The following GPHN variants were observed in gnomAD, a reference collection of about 807,000 sequenced individuals.
GPHN encodes the protein gephyrin.
GPHN carries 17 observed loss-of-function variants against 95.5 expected under a neutral mutation model. The ratio of observed to expected loss-of-function variants is 0.18; its 90% CI spans 0.12 to 0.27. The LOEUF is 0.27. Ranked by LOEUF, GPHN falls within the 10% of genes least tolerant of loss-of-function variation. The pLI, the probability that GPHN is intolerant of heterozygous loss-of-function variation, is 1.00. For synonymous variants in GPHN, 320 were observed against 322.5 expected, an observed-to-expected ratio of 0.99 and a Z score of 0.08; for missense variants, 660 against 978.1, an observed-to-expected ratio of 0.67 and a Z score of 4.34.
the GPHN span, chr14:67,557,195 C>T: frequency 7.7e-7 from 1 of 1,291,036 alleles, no homozygotes; most frequent in Non-Finnish European, 1.1e-6. Flanking sequence ...GACGGTGTCC[C>T]ATCCCACGTT....
intron 5 of GPHN, among the ~76,000 whole-genome samples, chr14:66,897,765 T>C (rs2064931304): frequency 6.6e-6 from 1 of 152,144 alleles, no homozygotes; most frequent in Non-Finnish European, 1.5e-5. Flanking sequence ...TTACAGTTTG[T>C]AATTATGATG....
intron 1 of GPHN, among the ~76,000 whole-genome samples, chr14:66,533,437 A>G (rs560254655): frequency 2.6e-5 from 4 of 152,338 alleles, no homozygotes; most frequent in Admixed American, 6.5e-5. Context: ...ACGTGCATAC[A>G]TGAAAGCAAG....
intron 4 of GPHN, among the ~76,000 whole-genome samples, chr14:66,875,442 C>T (rs1248826463): frequency 6.6e-6 from 1 of 152,088 alleles, no homozygotes; most frequent in Admixed American, 6.6e-5. Context: ...TAAATGCCCC[C>T]AATTAAAAGA....
the GPHN span, chr14:67,382,740 G>T: frequency 8.7e-6 from 7 of 807,718 alleles, no homozygotes; most frequent in East Asian, 2.6e-5. Context: ...GTCACCCCCC[G>T]TCCCCAGCCA....
chr14:67,435,235 G>A, the GPHN span, among the ~76,000 whole-genome samples: 912 of 152,202 alleles, frequency 6.0e-3, 9 homozygotes, highest in African/African-American at 0.021. Context: ...CCAAAATGCT[G>A]GGATTACAAG....
the GPHN span, among the ~76,000 whole-genome samples, chr14:67,216,380 T>G: frequency 5.3e-5 from 8 of 151,798 alleles, no homozygotes; most frequent in African/African-American, 4.8e-5. Flanking sequence ...TATTTTGGGG[T>G]TTTTTTTCAG....
At chr14:67,496,778 C>CCTCCCTCT in the GPHN span, among the ~76,000 whole-genome samples, 1 of 96,926 alleles carries the variant, frequency 1.0e-5, no homozygotes, top group Non-Finnish European at 2.3e-5. Context: ...TTCCTCCCTC[C>CCTCCCTCT]CTCATTTCTG....
At chr14:67,401,338 A>G in the GPHN span, among the ~76,000 whole-genome samples, 2 of 151,914 alleles carry the variant, frequency 1.3e-5, no homozygotes, top group Middle Eastern at 3.2e-3. Context: ...AAAAATAAAT[A>G]AATAAATAAA....
rs549127437 is a variant in GPHN, at chr14:66,862,034, A to T, written c.295-17905A>T. 1.6e-3 allele frequency among the ~76,000 whole-genome samples: 244 copies of T among 152,190 alleles called. 5 individuals are homozygous for T. The highest frequency in any genetic ancestry group is 3.5e-3 in the South Asian group (17 of 4,828). On this transcript the variant is annotated intron_variant, in intron 4 of 22. Coordinates refer to ENST00000478722, the MANE Select transcript of GPHN (RefSeq NM_020806.5). ...TTTGAAATGAAGGAAATACAAAAAG[A>T]TCAACAAACTGGAAAGCTTGTTTTT...
the GPHN span, chr14:67,575,571 C>A: frequency 2.5e-6 from 2 of 816,266 alleles, no homozygotes; most frequent in Non-Finnish European, 4.2e-6. Context: ...CCACGTAACC[C>A]CACAATAAAT....
chr14:67,508,060 C>G, the GPHN span, among the ~76,000 whole-genome samples: 17 of 150,524 alleles, frequency 1.1e-4, no homozygotes, highest in Admixed American at 1.1e-3. Flanking sequence ...ATTGCTTGAA[C>G]CCGGGAGGTG....
At chr14:66,746,936 G>A (rs1264947103) in intron 2 of GPHN, among the ~76,000 whole-genome samples, 3 of 152,108 alleles carry the variant, frequency 2.0e-5, no homozygotes, top group African/African-American at 7.2e-5. Context: ...ACTGTTCAGG[G>A]TTTGGGGCAT....
At chr14:66,732,900 T>C (rs1054049416) in intron 2 of GPHN, among the ~76,000 whole-genome samples, 6 of 152,198 alleles carry the variant, frequency 3.9e-5, no homozygotes, top group Non-Finnish European at 7.3e-5. Flanking sequence ...GAATTAATGC[T>C]GAAATGAGTT....
chr14:67,723,855 A>G, the GPHN span, among the ~76,000 whole-genome samples: 1 of 152,244 alleles, frequency 6.6e-6, no homozygotes, highest in African/African-American at 2.4e-5. Flanking sequence ...CTCTGCACAG[A>G]GGTCTGAACA....
the GPHN span, chr14:67,592,812 GTCTC>G: frequency 1.2e-6 from 1 of 808,580 alleles, no homozygotes; most frequent in South Asian, 1.6e-5. Context: ...TTGAGACAGA[GTCTC>G]TCTCTGTTGC....
At chr14:67,417,041 A>G in the GPHN span, among the ~76,000 whole-genome samples, 1 of 152,208 alleles carries the variant, frequency 6.6e-6, no homozygotes, top group Non-Finnish European at 1.5e-5. Flanking sequence ...ATGTTGTGGT[A>G]ATGCCCAGCT....
At chr14:66,717,319 A>G (rs753103578) in intron 2 of GPHN, among the ~76,000 whole-genome samples, 16 of 152,006 alleles carry the variant, frequency 1.1e-4, no homozygotes, top group Non-Finnish European at 1.5e-4. Context: ...TTGCATTTCT[A>G]TAAGTGTGTC....
the GPHN span, chr14:67,473,638 G>T: frequency 4.4e-6 from 7 of 1,582,196 alleles, no homozygotes; most frequent in East Asian, 2.3e-5. The surrounding 1 kb of genome is among the most constrained non-coding windows in gnomAD (Gnocchi z 6.5). Context: ...TTGAACTGGC[G>T]CAGGATGAAG....
intron 1 of GPHN, among the ~76,000 whole-genome samples, chr14:66,545,184 C>A (rs1342976525): frequency 6.6e-6 from 1 of 150,754 alleles, no homozygotes. Flanking sequence ...ACCTCCCGGA[C>A]GGAGCGGCTG....
Sources: allele counts gnomAD v4.1 joint callset (sites outside exome capture counted in the v4.1 genomes callset), GRCh38; gene constraint gnomAD v4.1.1; non-coding constraint Gnocchi (gnomAD v3.1); transcripts MANE v1.5; gene names NCBI Gene and HGNC (gene_info 2026-07-23, HGNC 2026-07-21).